The following CSPP1 variants were observed in gnomAD, a reference collection of about 807,000 sequenced individuals.
CSPP1 encodes centrosome and spindle pole associated protein 1.
In CSPP1, 126 loss-of-function variants were observed where a neutral mutation model predicts 164.4. The ratio of observed to expected loss-of-function variants is 0.77; its 90% confidence interval spans 0.66 to 0.89. The LOEUF is 0.89. CSPP1 is among the 40% of genes least tolerant of loss of function. The pLI is 0.00. For missense variants in CSPP1, 1,395 were observed against 1,449.8 expected, an observed-to-expected ratio of 0.96 and a Z score of 0.61; for synonymous variants, 472 against 476.7, an observed-to-expected ratio of 0.99 and a Z score of 0.13.
intron 24 of CSPP1, among the ~76,000 whole-genome samples, chr8:67,170,000 T>C (rs1830170171): frequency 6.6e-6 from 1 of 151,604 alleles, no homozygotes; most frequent in Non-Finnish European, 1.5e-5. Context: ...CGTCGGCTTC[T>C]CAAAGTGCTG....
chr8:67,085,945 G>A, intron 3 of CSPP1, 62 bp from the exon 4 acceptor site: 1 of 775,446 alleles, frequency 1.3e-6, no homozygotes. Flanking sequence ...CTTTGTTACA[G>A]GAAGTAGAAC....
chr8:67,190,872 A>G (rs1451057685), intron 29 of CSPP1, 113 bp downstream of exon 29: 5 of 729,016 alleles, frequency 6.9e-6, no homozygotes, highest in South Asian at 3.3e-5. Flanking sequence ...AAATTCAGAC[A>G]TGGGTCTGAA....
intron 4 of CSPP1, among the ~76,000 whole-genome samples, chr8:67,088,479 G>A (rs921299362): frequency 3.3e-5 from 5 of 151,426 alleles, no homozygotes; most frequent in Admixed American, 2.0e-4. Context: ...TAGTAGAGAC[G>A]GGGTTTCACC....
chr8:67,137,824 C>A (rs1822664623), intron 17 of CSPP1, among the ~76,000 whole-genome samples: 1 of 152,102 alleles, frequency 6.6e-6, no homozygotes. Context: ...AATATTTCAT[C>A]CTCCGATGTT....
intron 18 of CSPP1, among the ~76,000 whole-genome samples, chr8:67,150,919 T>A (rs139634126): frequency 2.0e-5 from 3 of 152,386 alleles, no homozygotes; most frequent in East Asian, 1.9e-4. Flanking sequence ...TTCTACTTTG[T>A]GCTTTCACAG....
chr8:67,075,099 G>A (rs193198052), intron 2 of CSPP1, among the ~76,000 whole-genome samples: 72 of 152,234 alleles, frequency 4.7e-4, no homozygotes, highest in African/African-American at 1.6e-3. Flanking sequence ...GTTTCTTAAA[G>A]CAATGTCTTA....
At chr8:67,074,218 C>G (rs374983934) in intron 1 of CSPP1, 25 bp from the exon 2 acceptor site, 38 of 1,349,822 alleles carry the variant, frequency 2.8e-5, no homozygotes, top group African/African-American at 8.7e-5. Context: ...GATATAGATA[C>G]GCTCACTGAA....
chr8:67,092,853 TTATAA>T (rs1246412092), intron 5 of CSPP1, among the ~76,000 whole-genome samples: 3 of 152,230 alleles, frequency 2.0e-5, no homozygotes. Context: ...GAACATTTCA[TTATAA>T]TATTTTATAA....
At chr8:67,185,405 GGTGCAAAGGATGAAT>G (rs1834305015) in intron 28 of CSPP1, among the ~76,000 whole-genome samples, 3 of 152,196 alleles carry the variant, frequency 2.0e-5, no homozygotes, top group Admixed American at 2.0e-4. Context: ...GGCTGGTGCT[GGTGCAAAGGATGAAT>G]TGCACATTAT....
chr8:67,125,839 A>G (rs1248935198), intron 15 of CSPP1, among the ~76,000 whole-genome samples: 2 of 151,962 alleles, frequency 1.3e-5, no homozygotes, highest in Non-Finnish European at 2.9e-5. Flanking sequence ...TCACAATTTA[A>G]TTCTTTTTTT....
At chr8:67,099,765 T>G (rs1813633341) in intron 7 of CSPP1, among the ~76,000 whole-genome samples, 1 of 152,126 alleles carries the variant, frequency 6.6e-6, no homozygotes, top group Admixed American at 6.5e-5. Flanking sequence ...CTAAATTTAT[T>G]AGAAATATAA....
At chr8:67,124,066 A>G (rs1819577280) in intron 15 of CSPP1, among the ~76,000 whole-genome samples, 1 of 150,940 alleles carries the variant, frequency 6.6e-6, no homozygotes, top group East Asian at 2.0e-4. Flanking sequence ...CGCCTGGCTA[A>G]TTTTTTGTAT....
intron 19 of CSPP1, among the ~76,000 whole-genome samples, chr8:67,155,345 C>G (rs1201621145): frequency 6.6e-6 from 1 of 152,146 alleles, no homozygotes; most frequent in Non-Finnish European, 1.5e-5. Context: ...TTTTCTTTGC[C>G]TACAGAAATT....
chr8:67,170,414 C>T (rs1041319568), intron 24 of CSPP1, among the ~76,000 whole-genome samples: 1 of 152,018 alleles, frequency 6.6e-6, no homozygotes, highest in African/African-American at 2.4e-5. Flanking sequence ...TGAGATTGTG[C>T]CACTGCATTC....
chr8:67,091,772 T>A, intron 4 of CSPP1, 31 bp from the exon 5 acceptor site: 1 of 734,372 alleles, frequency 1.4e-6, no homozygotes, highest in Non-Finnish European at 2.0e-6. Flanking sequence ...GGCAATTAGG[T>A]AATATATTTT....
At chr8:67,094,016 A>T (rs1262060440) in intron 6 of CSPP1, among the ~76,000 whole-genome samples, 1 of 141,552 alleles carries the variant, frequency 7.1e-6, no homozygotes, top group Non-Finnish European at 1.5e-5. Flanking sequence ...ACTACTTGGG[A>T]GGCTGAGGCA....
At chr8:67,086,784 TAATACACTTTGTC>T in intron 4 of CSPP1, 1 of 1,259,346 alleles carries the variant, frequency 7.9e-7, no homozygotes, top group Non-Finnish European at 1.1e-6. Context: ...AACTTTGACT[TAATACACTTTGTC>T]AATGGTTTGT....
intron 21 of CSPP1, among the ~76,000 whole-genome samples, chr8:67,159,730 C>A (rs1011156097): frequency 6.6e-6 from 1 of 150,388 alleles, no homozygotes; most frequent in African/African-American, 2.4e-5. Context: ...CCATGTTGGC[C>A]AGACTGGTCT....
chr8:67,187,090 A>G (rs1015034622), intron 28 of CSPP1, among the ~76,000 whole-genome samples: 2 of 152,286 alleles, frequency 1.3e-5, no homozygotes, highest in Non-Finnish European at 1.5e-5. Flanking sequence ...AAATGGAGAT[A>G]TATTTCATGA....
Sources: allele counts gnomAD v4.1 joint callset (sites outside exome capture counted in the v4.1 genomes callset), GRCh38; gene constraint gnomAD v4.1.1; transcripts MANE v1.5; gene names NCBI Gene and HGNC (gene_info 2026-07-23, HGNC 2026-07-21).